Variants in PRMT9 observed in about 807,000 individuals in gnomAD.
The protein encoded by PRMT9 is protein arginine methyltransferase 9.
PRMT9 carries 59 observed loss-of-function variants against 83.2 expected under a neutral mutation model. The ratio of observed to expected loss-of-function variants is 0.71; its 90% CI spans 0.57 to 0.88. PRMT9 has a LOEUF of 0.88. PRMT9 is among the 40% of genes least tolerant of loss of function. The probability of loss-of-function intolerance (pLI) is 0.00; values close to 1 mark genes in which losing one functional copy is unlikely to be tolerated. For synonymous variants in PRMT9, 333 were observed against 353.2 expected (o/e 0.94, Z 0.64); for missense variants, 947 against 1,021.9 (o/e 0.93, Z 1.00).
chr4:147,641,800 T>TGGG (rs1733421662), intron 10 of PRMT9, among the ~76,000 whole-genome samples: 2 of 152,186 alleles, frequency 1.3e-5, no homozygotes, highest in African/African-American at 4.8e-5. Flanking sequence ...TAGCTGGGAC[T>TGGG]ACAGGCATGC....
At chr4:147,668,297 A>G (rs1735478416) in intron 6 of PRMT9, among the ~76,000 whole-genome samples, 1 of 152,106 alleles carries the variant, frequency 6.6e-6, no homozygotes, top group Non-Finnish European at 1.5e-5. Context: ...ATGGTTTTAC[A>G]AATGGTAGTT....
chr4:147,679,704 C>A (rs1014657626), intron 2 of PRMT9, among the ~76,000 whole-genome samples: 2 of 152,084 alleles, frequency 1.3e-5, no homozygotes, highest in Non-Finnish European at 2.9e-5. Flanking sequence ...GAGCTGAGAT[C>A]ACGCCACTTC....
chr4:147,668,357 G>GC (rs1273570440), intron 6 of PRMT9, among the ~76,000 whole-genome samples, 182 bp downstream of exon 6: 1 of 151,182 alleles, frequency 6.6e-6, no homozygotes, highest in Non-Finnish European at 1.5e-5. Flanking sequence ...CTCTCTCTCT[G>GC]CCCCCCATAA....
At position 147,684,110 on chromosome 4, in the gene PRMT9, C is replaced by T; in HGVS notation, c.-123G>A. ...AAAAACAGCACAGCAAAGTTACCCT[C>T]CGCCGCGGGTGAACTCGCCAACCCC... is the stretch of plus-strand genomic sequence containing the variant. On this transcript the variant is annotated 5_prime_UTR_variant, in exon 1 of 12. Transcript: ENST00000322396. 1 of 1,166,124 alleles carries T rather than the reference C, an allele frequency of 8.6e-7. No homozygotes were observed. The highest frequency in any genetic ancestry group is 1.2e-6 in the Non-Finnish European group (1 of 812,156). 72.2% of individuals were successfully genotyped at this position (1,166,124 alleles called of 1,614,324 possible). A position where few individuals can be genotyped will look rare whatever the true frequency, so the allele number is the denominator to read the frequency against.
chr4:147,663,595 A>C (rs1735120578), intron 6 of PRMT9, among the ~76,000 whole-genome samples: 1 of 152,024 alleles, frequency 6.6e-6, no homozygotes, highest in African/African-American at 2.4e-5. Context: ...CAAACTCCTG[A>C]GCTCAGGCCA....
rs140428380 is a variant in PRMT9 at position 147,676,846 on chromosome 4, C to G, written c.339-2972G>C. ...ATCACTAGAGGTCAGGAGGTCGAGA[C>G]CAGCCTGGGCAACATGGTGAAACCC... On this transcript the variant is annotated intron_variant, in intron 2 of 11. Coordinates refer to ENST00000322396, the MANE Select transcript of PRMT9 (RefSeq NM_138364.4). Among the ~76,000 whole-genome samples, 298 of 152,132 alleles carry G rather than the reference C, an allele frequency of 2.0e-3. 13 individuals are homozygous for G. The East Asian group carries it at 0.046, about 23-fold the overall frequency.
intron 9 of PRMT9, among the ~76,000 whole-genome samples, chr4:147,651,618 T>A (rs1261178778): frequency 1.3e-5 from 2 of 152,310 alleles, no homozygotes; most frequent in East Asian, 3.9e-4. Context: ...AAAAAGTGTA[T>A]GAAAAGATGC....
intron 9 of PRMT9, among the ~76,000 whole-genome samples, chr4:147,645,181 TA>T (rs1169837718): frequency 6.6e-6 from 1 of 152,182 alleles, no homozygotes; most frequent in African/African-American, 2.4e-5. Context: ...CATTAAAACC[TA>T]AACAAGCTAA....
intron 1 of PRMT9, among the ~76,000 whole-genome samples, chr4:147,680,824 G>A (rs920246808): frequency 2.0e-5 from 3 of 151,998 alleles, no homozygotes; most frequent in South Asian, 2.1e-4. Flanking sequence ...CATCCCTAAC[G>A]CATTTATTAT....
chr4:147,675,469 C>T (rs978732829), intron 2 of PRMT9, among the ~76,000 whole-genome samples: 1 of 152,068 alleles, frequency 6.6e-6, no homozygotes, highest in Non-Finnish European at 1.5e-5. Context: ...GAAGGTAGAA[C>T]TATCTTGTTC....
chr4:147,672,393 A>G (rs542005740), intron 4 of PRMT9, among the ~76,000 whole-genome samples: 1 of 152,350 alleles, frequency 6.6e-6, no homozygotes, highest in South Asian at 2.1e-4. Flanking sequence ...ACTAGTGTGG[A>G]ACCAGATCAT....
intron 7 of PRMT9, among the ~76,000 whole-genome samples, chr4:147,658,288 T>C (rs1734677129): frequency 1.4e-5 from 2 of 147,102 alleles, no homozygotes; most frequent in Non-Finnish European, 3.0e-5. Flanking sequence ...GTTTAGAAAA[T>C]AGAGGGGGAT....
At chr4:147,674,019 GCTGT>G (rs1735908550) in intron 2 of PRMT9, 145 bp from the exon 3 acceptor site, 1 of 700,846 alleles carries the variant, frequency 1.4e-6, no homozygotes, top group African/African-American at 1.8e-5. Flanking sequence ...CTTTTGGGAA[GCTGT>G]CTGTGAGGAC....
In PRMT9 at chr4:147,642,879, C is replaced by T; in HGVS notation, c.2107G>A (p.Val703Met). ...TCCTCTAGGAGTGTCTGTGATTCCA[C>T]AAGCAACCCAAACATCAGCACATAC... ...PQYVLMFGLL[V>M]ESQTLLEENA... The change falls in exon 10 of 12, where the codon GTG (valine) becomes ATG (methionine). Residue 703 changes from valine to methionine, a missense_variant. Transcript: ENST00000322396. 6.2e-7 allele frequency: 1 copy of T among 1,614,064 alleles called. No homozygotes were observed. Among genetic ancestry groups the T allele is most frequent in the South Asian group, 1.1e-5 (1 of 91,086 alleles).
Position 147,684,085 on chromosome 4 carries a change from A to G in PRMT9, c.-98T>C. Reference sequence around the variant, plus strand: ...CTTCCAGGGACCAGACAACTGCTCAAAAAACAGCACAGCAAAGTTACCCTC... The same window carrying G: ...CTTCCAGGGACCAGACAACTGCTCAGAAAACAGCACAGCAAAGTTACCCTC... On this transcript the variant is annotated 5_prime_UTR_variant, in exon 1 of 12. Coordinates refer to ENST00000322396, the MANE Select transcript of PRMT9 (RefSeq NM_138364.4). 7.5e-7 allele frequency: 1 copy of G among 1,332,112 alleles called. No homozygotes were observed. Among genetic ancestry groups the G allele is most frequent in the Non-Finnish European group, 1.0e-6 (1 of 956,300 alleles). The allele number at this position is 1,332,112 out of a possible 1,614,324, so 82.5% of individuals were successfully genotyped here.
chr4:147,655,380 C>G (rs1008559706), intron 8 of PRMT9, among the ~76,000 whole-genome samples: 1 of 151,830 alleles, frequency 6.6e-6, no homozygotes, highest in Non-Finnish European at 1.5e-5. Flanking sequence ...CCAGGCTGGT[C>G]TTGAACTCCT....
At chr4:147,640,061 C>CCTTTT (rs1733281469) in intron 10 of PRMT9, among the ~76,000 whole-genome samples, 1 of 35,086 alleles carries the variant, frequency 2.9e-5, no homozygotes, top group East Asian at 9.1e-4. Flanking sequence ...CCACTCCTGT[C>CCTTTT]TTTTTTTTTT....
chr4:147,656,635 G>A (rs548319809), intron 8 of PRMT9, among the ~76,000 whole-genome samples: 1 of 151,786 alleles, frequency 6.6e-6, no homozygotes, highest in East Asian at 1.9e-4. Flanking sequence ...AGCTGGGCGT[G>A]GTGGCATGCA....
chr4:147,671,490 G>A (rs1310697138), intron 4 of PRMT9, among the ~76,000 whole-genome samples: 3 of 152,204 alleles, frequency 2.0e-5, no homozygotes, highest in African/African-American at 4.8e-5. Flanking sequence ...ACTCATTTAT[G>A]TAGTTAGAAG....
Sources: allele counts gnomAD v4.1 joint callset (sites outside exome capture counted in the v4.1 genomes callset), GRCh38; gene constraint gnomAD v4.1.1; transcripts MANE v1.5; gene names NCBI Gene and HGNC (gene_info 2026-07-23, HGNC 2026-07-21).